TRABD2A: variants seen among roughly 807,000 people sequenced by gnomAD.
The protein encoded by TRABD2A is TraB domain containing 2A, also known as metalloprotease TIKI1.
In TRABD2A, 43 loss-of-function variants were observed where a neutral mutation model predicts 45.6. The ratio of observed to expected loss-of-function variants is 0.94; its 90% CI spans 0.74 to 1.22. The LOEUF is 1.22. Among genes scored for constraint, TRABD2A ranks in the 50% most tolerant of loss-of-function variants. The pLI, the probability that TRABD2A is intolerant of heterozygous loss-of-function variation, is 0.00. For synonymous variants in TRABD2A, 269 were observed against 265.0 expected (o/e 1.02, Z -0.15); for missense variants, 642 against 652.4 (o/e 0.98, Z 0.17).
At chr2:84,850,379 G>T (rs1051419575) in intron 2 of TRABD2A, among the ~76,000 whole-genome samples, 1 of 152,084 alleles carries the variant, frequency 6.6e-6, no homozygotes, top group Non-Finnish European at 1.5e-5. Flanking sequence ...CACAGAGTCC[G>T]CCTGTCCTCT....
At chr2:84,838,982 A>G in intron 4 of TRABD2A, 167 bp downstream of exon 4, 1 of 702,134 alleles carries the variant, frequency 1.4e-6, no homozygotes, top group Non-Finnish European at 2.3e-6. Flanking sequence ...TGGATGCTCC[A>G]TCCCCAGCTG....
chr2:84,841,228 C>T (rs1276975773), intron 3 of TRABD2A, among the ~76,000 whole-genome samples: 2 of 152,204 alleles, frequency 1.3e-5, no homozygotes, highest in Non-Finnish European at 2.9e-5. Flanking sequence ...AACAAAGATC[C>T]GTACCACTTC....
intron 1 of TRABD2A, 43 bp downstream of exon 1, chr2:84,880,889 G>A: frequency 6.4e-7 from 1 of 1,555,836 alleles, no homozygotes; most frequent in Non-Finnish European, 8.7e-7. Context: ...ATCCCAAGGA[G>A]GTGCAGAGAG....
intron 4 of TRABD2A, 73 bp downstream of exon 4, chr2:84,839,076 G>A (rs781644774): frequency 5.9e-5 from 92 of 1,548,994 alleles, no homozygotes; most frequent in Non-Finnish European, 7.6e-5. Flanking sequence ...CTAAGCAGGG[G>A]CTCACCTCAA....
chr2:84,858,764 T>C (rs1356123122), intron 2 of TRABD2A, among the ~76,000 whole-genome samples: 2 of 152,192 alleles, frequency 1.3e-5, no homozygotes, highest in Non-Finnish European at 2.9e-5. Context: ...TTCCATAGTG[T>C]AACAGTTATC....
chr2:84,840,293 A>G (rs1243897250), intron 3 of TRABD2A, among the ~76,000 whole-genome samples: 1 of 151,880 alleles, frequency 6.6e-6, no homozygotes, highest in Non-Finnish European at 1.5e-5. Context: ...TTTTTTTTTA[A>G]TCATGTCATT....
In TRABD2A at chr2:84,870,366, A is replaced by G. The variant is rs1573954019; in HGVS notation, c.528T>C (p.Thr176=). The G allele has an allele frequency of 6.2e-7, 1 of 1,614,016 alleles. No homozygotes were observed. Among genetic ancestry groups the G allele is most frequent in the East Asian group, 2.2e-5 (1 of 44,882 alleles). ...CTCCACGGGACTTAATGTCCACTTC[A>G]GTCAGGGAGTTGACCATGAGCATCA... ...VWVMLMVNSL[T]EVDIKSRGVP... The change falls in exon 2 of 7, where the codon ACT becomes ACC. Residue 176 remains threonine, a synonymous_variant. Coordinates refer to ENST00000409520, the MANE Select transcript of TRABD2A (RefSeq NM_001277053.2).
At chr2:84,831,533 C>CAA (rs200043346) in intron 5 of TRABD2A, among the ~76,000 whole-genome samples, 93 of 136,230 alleles carry the variant, frequency 6.8e-4, no homozygotes, top group Admixed American at 3.5e-3. Flanking sequence ...GCAGTTTGGC[C>CAA]AAAAAAAAAA....
intron 2 of TRABD2A, among the ~76,000 whole-genome samples, chr2:84,848,148 A>G (rs1343453771): frequency 6.6e-6 from 1 of 152,226 alleles, no homozygotes; most frequent in East Asian, 1.9e-4. Context: ...GGATGAAGAC[A>G]TAATTCAACC....
At chr2:84,842,167 C>T (rs1681733367) in intron 2 of TRABD2A, 160 bp from the exon 3 acceptor site, 2 of 757,042 alleles carry the variant, frequency 2.6e-6, no homozygotes, top group African/African-American at 1.8e-5. Flanking sequence ...TGGACAGCAT[C>T]CAAAGAAAAG....
chr2:84,866,448 C>A (rs1343137434), intron 2 of TRABD2A, among the ~76,000 whole-genome samples: 1 of 152,154 alleles, frequency 6.6e-6, no homozygotes, highest in Admixed American at 6.5e-5. Flanking sequence ...CTCTGCTAGC[C>A]CTTCTGTTTT....
rs1416707785 is a variant in TRABD2A, at chr2:84,830,333, A to C, written c.1082+1722T>G. Among the ~76,000 whole-genome samples the C allele has an allele frequency of 1.8e-4, 27 of 152,202 alleles. No homozygotes were observed. Among genetic ancestry groups the C allele is most frequent in the Admixed American group, 1.8e-3 (27 of 15,286 alleles). On this transcript the variant is annotated intron_variant, in intron 5 of 6. Transcript: ENST00000409520. The surrounding 1 kb of genome is among the most constrained non-coding windows in gnomAD (Gnocchi z 4.9). The stretch of plus-strand genomic sequence containing the variant: ...CTCCTCAGAAGGGGGAAGTAGCGTC[A>C]GTAAAGGAGAGGCGGGGACGGGATG...
intron 5 of TRABD2A, among the ~76,000 whole-genome samples, chr2:84,826,764 C>A (rs1681161143): frequency 1.3e-5 from 2 of 152,212 alleles, no homozygotes; most frequent in Non-Finnish European, 2.9e-5. Context: ...GAGCTCCTGA[C>A]CCCATGATCC....
chr2:84,863,740 T>A (rs1024379088), intron 2 of TRABD2A, among the ~76,000 whole-genome samples: 1 of 151,332 alleles, frequency 6.6e-6, no homozygotes, highest in Admixed American at 6.6e-5. Flanking sequence ...GCCTCCTGAG[T>A]AGCTGGGACA....
rs532814596 is a variant in TRABD2A at position 84,872,778 on chromosome 2, A to G, written c.109-1993T>C. Among the ~76,000 whole-genome samples the G allele has an allele frequency of 9.8e-5, 15 of 152,304 alleles. No homozygotes were observed. In the South Asian group the frequency reaches 1.4e-3, roughly 15 times the overall value. ...GTTCTTGTTCATAACATTTTCATCA[A>G]TTGATCAATACATAGCCTTGTTTTA... is the stretch of plus-strand genomic sequence containing the variant. On this transcript the variant is annotated intron_variant, in intron 1 of 6. Transcript: ENST00000409520.
intron 5 of TRABD2A, among the ~76,000 whole-genome samples, chr2:84,829,839 C>G (rs1258224698): frequency 6.7e-6 from 1 of 149,686 alleles, no homozygotes; most frequent in South Asian, 2.1e-4. Flanking sequence ...ACACACATAC[C>G]AGACATGCAC....
intron 2 of TRABD2A, among the ~76,000 whole-genome samples, chr2:84,863,821 C>G (rs1036038866): frequency 1.3e-5 from 2 of 151,948 alleles, no homozygotes; most frequent in Non-Finnish European, 2.9e-5. Context: ...CCGTGTTAGC[C>G]AGGATGGTCT....
intron 1 of TRABD2A, among the ~76,000 whole-genome samples, chr2:84,872,277 G>A (rs1380619488): frequency 6.6e-6 from 1 of 152,148 alleles, no homozygotes; most frequent in Non-Finnish European, 1.5e-5. Flanking sequence ...TAGAGGCTGA[G>A]GCAGGCAGAT....
intron 2 of TRABD2A, among the ~76,000 whole-genome samples, chr2:84,866,967 C>G (rs1368979731): frequency 6.6e-6 from 1 of 151,994 alleles, no homozygotes; most frequent in East Asian, 1.9e-4. Context: ...TGCCTGTAAT[C>G]CCAGACAGGA....
Sources: allele counts gnomAD v4.1 joint callset (sites outside exome capture counted in the v4.1 genomes callset), GRCh38; gene constraint gnomAD v4.1.1; non-coding constraint Gnocchi (gnomAD v3.1); transcripts MANE v1.5; gene names NCBI Gene and HGNC (gene_info 2026-07-23, HGNC 2026-07-21).